UBE3D: variants seen among roughly 807,000 people sequenced by gnomAD.
The protein encoded by UBE3D is E3 ubiquitin-protein ligase E3D.
Under a neutral mutation model 49.6 loss-of-function variants are expected in UBE3D, and 48 were observed. The observed-to-expected ratio is 0.97, with a 90% CI of 0.77 to 1.23. The LOEUF is 1.23. UBE3D is among the 50% of genes most tolerant of loss of function. UBE3D has a pLI of 0.00. For missense variants in UBE3D, 452 were observed against 468.4 expected (o/e 0.96, Z 0.32); for synonymous variants, 189 against 174.2 (o/e 1.08, Z -0.67).
At chr6:83,049,666 A>T (rs897438486) in intron 3 of UBE3D, 7 of 402,574 alleles carry the variant, frequency 1.7e-5, no homozygotes, top group Non-Finnish European at 3.2e-5. Flanking sequence ...CTAGGGTCTC[A>T]ACGCCCTCAT....
intron 8 of UBE3D, among the ~76,000 whole-genome samples, chr6:82,996,302 T>C (rs550437375): frequency 1.4e-5 from 2 of 145,208 alleles, no homozygotes; most frequent in Admixed American, 1.4e-4. Flanking sequence ...CTGGAACAAT[T>C]TGAGCAACAA....
intron 8 of UBE3D, among the ~76,000 whole-genome samples, chr6:82,983,297 C>G (rs1242875847): frequency 1.3e-5 from 2 of 151,902 alleles, no homozygotes; most frequent in African/African-American, 4.8e-5. Context: ...CAAGTTGTCT[C>G]CTGAGTCCTT....
rs1424097524 is a variant in UBE3D, at chr6:82,893,031, C to T, written c.1161G>A (p.Leu387=). ...TGCCCAGCTCTAATAGTTACATCTT[C>T]AAAAAGGCCACCTGGAGAAGGAAGA... The part of the protein sequence containing the change: ...RRVNSFQVAF[L]KM The change falls in exon 10 of 10, where the codon TTG becomes TTA. Residue 387 remains leucine, a synonymous_variant. Transcript: ENST00000369747. 6.2e-7 allele frequency: 1 copy of T among 1,613,586 alleles called. No individual in the cohort carries two copies. Among genetic ancestry groups the T allele is most frequent in the East Asian group, 2.2e-5 (1 of 44,868 alleles).
At chr6:82,896,834 C>T (rs1211589485) in intron 9 of UBE3D, among the ~76,000 whole-genome samples, 1 of 151,804 alleles carries the variant, frequency 6.6e-6, no homozygotes, top group African/African-American at 2.4e-5. Flanking sequence ...CTCTGCCTCC[C>T]GGGTTCAAGC....
At chr6:82,963,930 A>C (rs984089531) in intron 8 of UBE3D, among the ~76,000 whole-genome samples, 1 of 152,224 alleles carries the variant, frequency 6.6e-6, no homozygotes, top group East Asian at 1.9e-4. Flanking sequence ...ATTGGACCTA[A>C]ATCAGTAATC....
At chr6:82,933,044 T>A (rs1774286561) in intron 9 of UBE3D, among the ~76,000 whole-genome samples, 1 of 152,118 alleles carries the variant, frequency 6.6e-6, no homozygotes. Flanking sequence ...TCTTGTTGAT[T>A]CCTGCCACCT....
downstream of UBE3D, among the ~76,000 whole-genome samples, chr6:82,887,900 C>A (rs888023179): frequency 2.0e-5 from 3 of 151,996 alleles, no homozygotes; most frequent in African/African-American, 7.2e-5. Flanking sequence ...AAAGGGAGCA[C>A]AGGAGTGATC....
intron 5 of UBE3D, among the ~76,000 whole-genome samples, chr6:83,026,344 G>A (rs566905360): frequency 1.3e-5 from 2 of 152,136 alleles, no homozygotes; most frequent in Admixed American, 1.3e-4. Context: ...CCAGCTACTC[G>A]GGAGGCTGAG....
At chr6:82,910,527 T>C (rs535506072) in intron 9 of UBE3D, among the ~76,000 whole-genome samples, 37 of 152,300 alleles carry the variant, frequency 2.4e-4, no homozygotes, top group African/African-American at 8.2e-4. Flanking sequence ...ATCTGCTCTT[T>C]AAAACTTTGC....
At chr6:82,887,150 CA>C in the UBE3D span, among the ~76,000 whole-genome samples, 6 of 138,874 alleles carry the variant, frequency 4.3e-5, no homozygotes, top group South Asian at 6.8e-4. Flanking sequence ...CTAAAAATAC[CA>C]AAAAAAATAA....
At chr6:82,960,547 G>T (rs544827762) in intron 8 of UBE3D, among the ~76,000 whole-genome samples, 69 of 151,266 alleles carry the variant, frequency 4.6e-4, no homozygotes, top group African/African-American at 1.7e-3. Context: ...ATAAGAACTT[G>T]CCTAATACCA....
intron 8 of UBE3D, among the ~76,000 whole-genome samples, chr6:82,984,874 G>A (rs1289752773): frequency 6.6e-6 from 1 of 151,954 alleles, no homozygotes; most frequent in African/African-American, 2.4e-5. Context: ...GTTCAGTGGT[G>A]ATTATGGCTC....
intron 9 of UBE3D, among the ~76,000 whole-genome samples, chr6:82,917,195 CAGG>C (rs1228308769): frequency 1.9e-4 from 29 of 152,004 alleles, no homozygotes; most frequent in African/African-American, 7.0e-4. Context: ...TGAGAGATTA[CAGG>C]AGCTCAACTG....
At chr6:83,049,815 T>C in intron 3 of UBE3D, 1 of 470,876 alleles carries the variant, frequency 2.1e-6, no homozygotes. Flanking sequence ...GGCCAACTGA[T>C]TTCATTCACA....
chr6:83,049,768 A>G lies in UBE3D; in HGVS notation c.365+4380T>C, dbSNP rs1470845521. On this transcript the variant is annotated intron_variant, in intron 3 of 9. Coordinates refer to ENST00000369747, the MANE Select transcript of UBE3D (RefSeq NM_198920.3). ...CCTCCGGAGAGCCACTCTGTTTCAAATCATCTGAAAATCGAAAGGCTTGAG... is the reference window on the plus strand; with the variant it reads ...CCTCCGGAGAGCCACTCTGTTTCAAGTCATCTGAAAATCGAAAGGCTTGAG... 8.5e-6 allele frequency: 4 copies of G among 471,108 alleles called. No homozygotes were observed. In the East Asian group the frequency reaches 2.8e-4, roughly 33 times the overall value. The allele number at this position is 471,108 out of a possible 1,614,324, so 29.2% of individuals were successfully genotyped here. A position where few individuals can be genotyped will look rare whatever the true frequency, so the allele number is the denominator to read the frequency against.
intron 8 of UBE3D, among the ~76,000 whole-genome samples, chr6:82,965,583 CAAAAAAAAAAA>C (rs35257086): frequency 3.5e-5 from 3 of 86,358 alleles, no homozygotes; most frequent in African/African-American, 1.3e-4. Flanking sequence ...AACTCCATCT[CAAAAAAAAAAA>C]AAAAAAAAAG....
chr6:82,949,788 T>C (rs1372861795), intron 9 of UBE3D, among the ~76,000 whole-genome samples: 1 of 152,100 alleles, frequency 6.6e-6, no homozygotes, highest in Non-Finnish European at 1.5e-5. Context: ...CAATAAATGG[T>C]TCTGAGAAAA....
At chr6:82,942,983 A>T (rs1775125661) in intron 9 of UBE3D, among the ~76,000 whole-genome samples, 2 of 152,186 alleles carry the variant, frequency 1.3e-5, no homozygotes, top group South Asian at 4.1e-4. Context: ...CCAGCCCATG[A>T]AAGCAGCCAG....
the UBE3D span, among the ~76,000 whole-genome samples, chr6:82,880,913 G>A: frequency 6.6e-6 from 1 of 152,144 alleles, no homozygotes; most frequent in East Asian, 1.9e-4. Flanking sequence ...GCAGATTGCT[G>A]ACTTCTTGTT....
Sources: gnomAD v4.1 joint callset for allele counts (sites outside exome capture counted in the v4.1 genomes callset) on GRCh38, gnomAD v4.1.1 for gene constraint, MANE v1.5 for transcripts, NCBI Gene and HGNC (gene_info 2026-07-23, HGNC 2026-07-21) for gene names.